Variants in MGMT observed in about 807,000 individuals in gnomAD.
MGMT encodes methylated-DNA--protein-cysteine methyltransferase.
In MGMT, 14 loss-of-function variants were observed where a neutral mutation model predicts 15.9. The ratio of observed to expected loss-of-function variants is 0.88; its 90% CI spans 0.58 to 1.37. MGMT has a LOEUF of 1.37. Ranked by LOEUF, MGMT falls within the 40% of genes most tolerant of loss-of-function variation. The probability of loss-of-function intolerance (pLI) is 0.00; values close to 1 mark genes in which losing one functional copy is unlikely to be tolerated. For synonymous variants in MGMT, 130 were observed against 118.2 expected (o/e 1.10, Z -0.65); for missense variants, 282 against 268.1 (o/e 1.05, Z -0.36).
intron 2 of MGMT, among the ~76,000 whole-genome samples, chr10:129,586,900 T>C (rs1046252053): frequency 6.6e-6 from 1 of 152,248 alleles, no homozygotes; most frequent in African/African-American, 2.4e-5. Flanking sequence ...ATTTTCCTTT[T>C]GCCTGGAAGA....
chr10:129,485,309 C>T (rs1762425), intron 1 of MGMT, among the ~76,000 whole-genome samples: 150,968 of 152,278 alleles, frequency 0.99, 74,842 homozygotes, highest in Middle Eastern at 1. Flanking sequence ...TCTAATCTCT[C>T]TCCCCACTTT....
At chr10:129,602,711 G>A (rs749600940) in intron 2 of MGMT, among the ~76,000 whole-genome samples, 5 of 152,010 alleles carry the variant, frequency 3.3e-5, no homozygotes, top group African/African-American at 9.7e-5. Flanking sequence ...GAGTGCTCCC[G>A]GCATTACCTG....
intron 2 of MGMT, among the ~76,000 whole-genome samples, chr10:129,705,623 C>T (rs1028151863): frequency 1.3e-5 from 2 of 152,336 alleles, no homozygotes; most frequent in South Asian, 2.1e-4. Context: ...GAGAACTAAT[C>T]GCTCCAGAGA....
chr10:129,474,158 G>GAGCT (rs1348939678), intron 1 of MGMT, among the ~76,000 whole-genome samples: 1 of 152,244 alleles, frequency 6.6e-6, no homozygotes, highest in African/African-American at 2.4e-5. Flanking sequence ...CAGGAAGGCA[G>GAGCT]AGCTAGCCAG....
At chr10:129,674,863 G>A (rs1203872825) in intron 2 of MGMT, among the ~76,000 whole-genome samples, 3 of 152,196 alleles carry the variant, frequency 2.0e-5, no homozygotes, top group Non-Finnish European at 4.4e-5. Flanking sequence ...TGGCCTCCCT[G>A]ACCGCCTGGA....
chr10:129,648,985 C>T (rs543939027), intron 2 of MGMT, among the ~76,000 whole-genome samples: 1 of 152,162 alleles, frequency 6.6e-6, no homozygotes, highest in African/African-American at 2.4e-5. Context: ...ATGGCACCAC[C>T]GTGTTCATGC....
intron 2 of MGMT, among the ~76,000 whole-genome samples, chr10:129,592,239 T>C (rs531835530): frequency 6.6e-6 from 1 of 152,336 alleles, no homozygotes; most frequent in African/African-American, 2.4e-5. Flanking sequence ...GGAAAATAGC[T>C]GACAGTATTT....
At chr10:129,497,836 C>T (rs189738363) in intron 1 of MGMT, among the ~76,000 whole-genome samples, 42 of 152,294 alleles carry the variant, frequency 2.8e-4, no homozygotes, top group Non-Finnish European at 4.0e-4. Context: ...CACGTGAGGA[C>T]GCGGCGAGAA....
intron 2 of MGMT, among the ~76,000 whole-genome samples, chr10:129,554,793 G>A (rs573088945): frequency 2.6e-5 from 4 of 152,222 alleles, no homozygotes; most frequent in South Asian, 2.1e-4. Flanking sequence ...TGAACAGCAG[G>A]TATGCCAGCC....
intron 2 of MGMT, among the ~76,000 whole-genome samples, chr10:129,704,624 G>A (rs565545783): frequency 2.0e-4 from 31 of 152,066 alleles, no homozygotes; most frequent in African/African-American, 1.9e-4. Context: ...CGTGGCTGTC[G>A]GTCATCCTAG....
chr10:129,551,631 A>G (rs1024790509), intron 2 of MGMT, among the ~76,000 whole-genome samples: 1 of 152,170 alleles, frequency 6.6e-6, no homozygotes, highest in African/African-American at 2.4e-5. Flanking sequence ...CTGATATTCT[A>G]TCTCTGTAAG....
chr10:129,608,708 T>C (rs377208765), intron 2 of MGMT, among the ~76,000 whole-genome samples: 2 of 152,248 alleles, frequency 1.3e-5, no homozygotes, highest in South Asian at 2.1e-4. Flanking sequence ...AAATAATTTC[T>C]AAGTACAATA....
At chr10:129,745,833 T>C (rs1284453708) in intron 3 of MGMT, among the ~76,000 whole-genome samples, 1 of 152,188 alleles carries the variant, frequency 6.6e-6, no homozygotes, top group Non-Finnish European at 1.5e-5. Flanking sequence ...TTTGGAACTG[T>C]TGAGTTTGGA....
chr10:129,554,811 C>T (rs908825167), intron 2 of MGMT, among the ~76,000 whole-genome samples: 1 of 152,156 alleles, frequency 6.6e-6, no homozygotes, highest in Non-Finnish European at 1.5e-5. Flanking sequence ...GCCTGTACTT[C>T]CTGGCATTAT....
At chr10:129,558,781 A>G (rs2119804679) in intron 2 of MGMT, among the ~76,000 whole-genome samples, 1 of 152,266 alleles carries the variant, frequency 6.6e-6, no homozygotes, top group Non-Finnish European at 1.5e-5. Flanking sequence ...TTTTGTGAAA[A>G]TGTAGTTGCT....
rs1315384235 is a variant in MGMT at position 129,770,010 on chromosome 10, C to T, written c.*3013C>T. ...TTACTTGGGGTTTGTAATTTGTATA[C>T]ACTTCTTACCCAGCAGAAACAGCTT... On this transcript the variant is annotated 3_prime_UTR_variant, in exon 5 of 5. Transcript: ENST00000651593. Among the ~76,000 whole-genome samples, 2 of 152,126 alleles carry T rather than the reference C, an allele frequency of 1.3e-5. No individual in the cohort carries two copies. Among genetic ancestry groups the T allele is most frequent in the Non-Finnish European group, 2.9e-5 (2 of 68,038 alleles).
chr10:129,587,433 T>G (rs184730537), intron 2 of MGMT, among the ~76,000 whole-genome samples: 2 of 149,794 alleles, frequency 1.3e-5, no homozygotes, highest in African/African-American at 4.9e-5. Flanking sequence ...TATGTTTTTC[T>G]TCTCAGGCAT....
At chr10:129,498,336 G>T (rs1033651142) in intron 1 of MGMT, among the ~76,000 whole-genome samples, 1 of 152,156 alleles carries the variant, frequency 6.6e-6, no homozygotes, top group Non-Finnish European at 1.5e-5. Context: ...AGACCATTTT[G>T]GTTCTGCTCA....
intron 2 of MGMT, among the ~76,000 whole-genome samples, chr10:129,661,699 A>C (rs1188865255): frequency 1.3e-5 from 2 of 152,124 alleles, no homozygotes; most frequent in Admixed American, 6.5e-5. Flanking sequence ...TGGAGTTTTA[A>C]AGTTTTCCGC....
Sources: allele counts gnomAD v4.1 joint callset (sites outside exome capture counted in the v4.1 genomes callset), GRCh38; gene constraint gnomAD v4.1.1; transcripts MANE v1.5; gene names NCBI Gene and HGNC (gene_info 2026-07-23, HGNC 2026-07-21).